Variants in CTSH observed in about 807,000 individuals in gnomAD.
CTSH encodes the protein cathepsin H, also known as pro-cathepsin H.
Under a neutral mutation model 56.3 loss-of-function variants are expected in CTSH, and 52 were observed. That is an observed-to-expected ratio of 0.92 (90% CI 0.74 to 1.16). CTSH has a LOEUF of 1.16. CTSH is among the 50% of genes most tolerant of loss of function. CTSH has a pLI of 0.00. For synonymous variants in CTSH, 174 were observed against 155.7 expected, an observed-to-expected ratio of 1.12 and a Z score of -0.88; for missense variants, 406 against 424.5, an observed-to-expected ratio of 0.96 and a Z score of 0.38.
In CTSH at chr15:78,929,499, A is replaced by T; in HGVS notation, c.549-6T>A. The T allele has an allele frequency of 6.2e-7, 1 of 1,607,802 alleles. No homozygotes were observed. The highest frequency in any genetic ancestry group is 8.5e-7 in the Non-Finnish European group (1 of 1,176,492). On this transcript the variant is annotated splice_region_variant and splice_polypyrimidine_tract_variant and intron_variant, in intron 7 of 11. Transcript: ENST00000220166. Reference sequence around the variant, plus strand: ...AAGCCTGGCTGGGGAGACCCCTGCAAGAAGTACACACAGGTGAGCCCACCT... The same window carrying T: ...AAGCCTGGCTGGGGAGACCCCTGCATGAAGTACACACAGGTGAGCCCACCT...
rs773654270 is a variant in CTSH at position 78,923,030 on chromosome 15, C to T, written c.895G>A (p.Val299Met). 11 of 1,612,348 alleles carry T rather than the reference C, an allele frequency of 6.8e-6. No homozygotes were observed. Among genetic ancestry groups the T allele is most frequent in the East Asian group, 2.2e-5 (1 of 44,768 alleles). The change falls in exon 11 of 12, where the codon GTG becomes ATG. Residue 299 changes from valine to methionine, a missense_variant. Transcript: ENST00000220166. ...GEKNGIPYWI[V>M]KNSWGPQWGM... ...CACTGGGGACCCCAAGAGTTTTTCA[C>T]GATCCAGTAAGGGATCCCATTTTTT...
Position 78,922,039 on chromosome 15 carries a change from C to T in CTSH, c.*91G>A, listed in dbSNP as rs1218550442. On this transcript the variant is annotated 3_prime_UTR_variant, in exon 12 of 12. Coordinates refer to ENST00000220166, the MANE Select transcript of CTSH (RefSeq NM_004390.5). The stretch of plus-strand genomic sequence containing the variant: ...AATGTTGGGGGTCCCAGTGGATCTC[C>T]CCACAACTTCCTCCAGGGCAGGATT... 3 of 1,244,062 alleles carry T rather than the reference C, an allele frequency of 2.4e-6. No homozygotes were observed. Among genetic ancestry groups the T allele is most frequent in the Non-Finnish European group, 2.3e-6 (2 of 875,172 alleles). The allele number at this position is 1,244,062 out of a possible 1,614,324, so 77.1% of individuals were successfully genotyped here.
At chr15:78,926,075 C>G (rs575553124) in intron 9 of CTSH, 2 of 152,484 alleles carry the variant, frequency 1.3e-5, no homozygotes, top group South Asian at 4.1e-4. Flanking sequence ...AGGGTGGGTC[C>G]CAGGCATTGG....
intron 5 of CTSH, 129 bp from the exon 6 acceptor site, chr15:78,932,587 C>G: frequency 1.5e-6 from 1 of 666,106 alleles, no homozygotes; most frequent in Non-Finnish European, 2.7e-6. Flanking sequence ...GTTTACCAAG[C>G]CCTGTTCCAG....
rs138791716 is a variant in CTSH, at chr15:78,932,560, C to T, written c.406-102G>A. Reference sequence around the variant, plus strand: ...GCTGACCCTGCCAGAGCTCCCGAGTCCCCAGGTGCCTTGGCAGTTTACCAA... The same window carrying T: ...GCTGACCCTGCCAGAGCTCCCGAGTTCCCAGGTGCCTTGGCAGTTTACCAA... On this transcript the variant is annotated intron_variant, in intron 5 of 11. Transcript: ENST00000220166. 2.2e-4 allele frequency: 178 copies of T among 820,892 alleles called. No individual in the cohort carries two copies. In the African/African-American group the frequency reaches 2.8e-3, roughly 13 times the overall value. 50.9% of individuals were successfully genotyped at this position (820,892 alleles called of 1,614,324 possible).
chr15:78,929,399 C>T lies in CTSH; in HGVS notation c.630+13G>A, dbSNP rs1245587287. The T allele has an allele frequency of 5.0e-6, 8 of 1,604,136 alleles. No individual in the cohort carries two copies. Among genetic ancestry groups the T allele is most frequent in the Middle Eastern group, 3.3e-4 (2 of 6,032 alleles). On this transcript the variant is annotated intron_variant, in intron 8 of 11. Coordinates refer to ENST00000220166, the MANE Select transcript of CTSH (RefSeq NM_004390.5). ...GTACGCCAAGAAGACAGAGTGGAGG[C>T]TGTTGGAGTTACCTTGCCCTGGTAG...
chr15:78,929,388 CAG>C (rs2054995539), intron 8 of CTSH, 22 bp downstream of exon 8: 1 of 1,588,306 alleles, frequency 6.3e-7, no homozygotes, highest in African/African-American at 1.3e-5. Context: ...GCCAAGAAGA[CAG>C]AGTGGAGGCT....
intron 10 of CTSH, 122 bp from the exon 11 acceptor site, chr15:78,923,240 A>G: frequency 9.6e-7 from 1 of 1,044,290 alleles, no homozygotes; most frequent in Non-Finnish European, 1.4e-6. Context: ...CCAGGGAGGC[A>G]TGTAAGGTGG....
intron 1 of CTSH, among the ~76,000 whole-genome samples, chr15:78,941,750 C>A (rs1270710638): frequency 4.1e-5 from 6 of 147,562 alleles, no homozygotes; most frequent in African/African-American, 1.5e-4. Context: ...GAGCCGAGAT[C>A]ACGCCACTGC....
At chr15:78,929,537 A>G (rs2055000503) in intron 7 of CTSH, 44 bp from the exon 8 acceptor site, 1 of 1,435,946 alleles carries the variant, frequency 7.0e-7, no homozygotes, top group African/African-American at 1.4e-5. Context: ...GGCTGTCCTG[A>G]TAGAGGCGGG....
At chr15:78,940,462 G>A (rs1232425754) in intron 1 of CTSH, among the ~76,000 whole-genome samples, 1 of 151,876 alleles carries the variant, frequency 6.6e-6, no homozygotes, top group Non-Finnish European at 1.5e-5. Context: ...ACTTGAGCCT[G>A]GGAGGTTGAG....
At chr15:78,927,251 C>T (rs536266865) in intron 9 of CTSH, 1 of 173,888 alleles carries the variant, frequency 5.8e-6, no homozygotes, top group East Asian at 1.7e-4. Flanking sequence ...ACCACCCTCC[C>T]TAAGCTGTGC....
rs1440757972 is a variant in CTSH at position 78,939,182 on chromosome 15, A to AG, written c.92-12_92-11insC. 2.1e-6 allele frequency: 3 copies of AG among 1,431,630 alleles called. No homozygotes were observed. The highest frequency in any genetic ancestry group is 2.8e-6 in the Non-Finnish European group (3 of 1,071,424). 88.7% of individuals were successfully genotyped at this position (1,431,630 alleles called of 1,614,324 possible). ...TGAAGTGAAACTTCTCTGTAAAAAG[A>AG]AAAAAAAAATTAGGTCTGGGCGCAT... On this transcript the variant is annotated splice_polypyrimidine_tract_variant and intron_variant, in intron 1 of 11. Transcript: ENST00000220166.
intron 10 of CTSH, among the ~76,000 whole-genome samples, chr15:78,925,112 A>T (rs2054874427): frequency 6.6e-6 from 1 of 152,006 alleles, no homozygotes; most frequent in Admixed American, 6.6e-5. Context: ...ATCCCTTCTG[A>T]CCACCTCTCC....
chr15:78,932,390 G>A lies in CTSH; in HGVS notation c.474C>T (p.Thr158=), dbSNP rs149231812. The A allele has an allele frequency of 2.1e-4, 335 of 1,614,056 alleles. No homozygotes were observed. Among genetic ancestry groups the A allele is most frequent in the Non-Finnish European group, 2.4e-4 (285 of 1,179,932 alleles). The change falls in exon 6 of 12, where the codon ACC becomes ACT. Residue 158 remains threonine, a synonymous_variant. Coordinates refer to ENST00000220166, the MANE Select transcript of CTSH (RefSeq NM_004390.5). ...TTCTTACCAAGGACAGCATCTTTCC[G>A]GTTGCGATGGCGATCGCAGACTCCA... The part of the protein sequence containing the change: ...GALESAIAIA[T]GKMLSLAEQQ...
chr15:78,942,279 G>A (rs186665230), intron 1 of CTSH, among the ~76,000 whole-genome samples: 1 of 139,926 alleles, frequency 7.1e-6, no homozygotes, highest in East Asian at 2.3e-4. Flanking sequence ...GCAGTGGCAC[G>A]ATATCAGCTC....
rs569683328 is a variant in CTSH, at chr15:78,923,241, T to G, written c.807-123A>C. ...TTCCCCACAGCGGACCAGGGAGGCA[T>G]GTAAGGTGGTGATGTAATCACATTT... On this transcript the variant is annotated intron_variant, in intron 10 of 11. Coordinates refer to ENST00000220166, the MANE Select transcript of CTSH (RefSeq NM_004390.5). 9.8e-6 allele frequency: 10 copies of G among 1,016,972 alleles called. No homozygotes were observed. The East Asian group carries it at 2.3e-4, about 23-fold the overall frequency. The allele number at this position is 1,016,972 out of a possible 1,614,324, so 63.0% of individuals were successfully genotyped here.
chr15:78,923,136 A>G lies in CTSH; in HGVS notation c.807-18T>C, dbSNP rs377637514. 73 of 1,612,934 alleles carry G rather than the reference A, an allele frequency of 4.5e-5. No homozygotes were observed. In the East Asian group the frequency reaches 9.1e-4, roughly 20 times the overall value. ...AGGAAGTACTGGAAAACAAAATTCA[A>G]AAAGAGGTGATCATATGGGAAGGAT... is the stretch of plus-strand genomic sequence containing the variant. On this transcript the variant is annotated intron_variant, in intron 10 of 11. Transcript: ENST00000220166.
chr15:78,935,138 T>G (rs2055148999), intron 4 of CTSH, 56 bp from the exon 5 acceptor site: 2 of 1,185,918 alleles, frequency 1.7e-6, no homozygotes, highest in Non-Finnish European at 2.5e-6. Context: ...AAAACCTTTC[T>G]GACAACAAGA....
Sources: gnomAD v4.1 joint callset for allele counts (sites outside exome capture counted in the v4.1 genomes callset) on GRCh38, gnomAD v4.1.1 for gene constraint, MANE v1.5 for transcripts, NCBI Gene and HGNC (gene_info 2026-07-23, HGNC 2026-07-21) for gene names.